CCNT1: variants seen among roughly 807,000 people sequenced by gnomAD.
CCNT1 encodes the protein cyclin-T1.
CCNT1 carries 18 observed loss-of-function variants against 67.3 expected under a neutral mutation model. The ratio of observed to expected loss-of-function variants is 0.27; its 90% confidence interval spans 0.18 to 0.40. The LOEUF (loss-of-function observed/expected upper bound fraction) is 0.40, where lower values mean the gene tolerates loss of function less well. Ranked by LOEUF, CCNT1 falls within the 10% of genes least tolerant of loss-of-function variation. CCNT1 has a pLI of 1.00. For synonymous variants in CCNT1, 333 were observed against 310.3 expected (o/e 1.07, Z -0.77); for missense variants, 744 against 884.9 (o/e 0.84, Z 2.02).
intron 2 of CCNT1, among the ~76,000 whole-genome samples, chr12:48,709,351 A>C (rs1940413226): frequency 6.6e-6 from 1 of 152,236 alleles, no homozygotes; most frequent in Admixed American, 6.5e-5. Context: ...GCTGGAAACA[A>C]TGTATAATCT....
rs1940034170 is a variant in CCNT1, at chr12:48,689,223, C to G, written c.*3810G>C. The G allele has an allele frequency of 6.6e-6, 1 of 152,146 alleles. No individual in the cohort carries two copies. Among genetic ancestry groups the G allele is most frequent in the Non-Finnish European group, 1.5e-5 (1 of 68,022 alleles). The allele number at this position is 152,146 out of a possible 1,614,324, so 9.4% of individuals were successfully genotyped here. ...TTTAGTAAACGTCCTTTTTCTTTACCTCCCTTTTCCAATGCCAAGTTCATA... is the reference window on the plus strand; with the variant it reads ...TTTAGTAAACGTCCTTTTTCTTTACGTCCCTTTTCCAATGCCAAGTTCATA... On this transcript the variant is annotated 3_prime_UTR_variant, in exon 9 of 9. Transcript: ENST00000261900.
At chr12:48,700,588 G>A (rs572979559) in intron 4 of CCNT1, among the ~76,000 whole-genome samples, 1 of 152,064 alleles carries the variant, frequency 6.6e-6, no homozygotes, top group South Asian at 2.1e-4. Context: ...AATATCATCA[G>A]AGTTGCCCAT....
At chr12:48,707,469 G>A (rs1162622881) in intron 2 of CCNT1, among the ~76,000 whole-genome samples, 1 of 151,780 alleles carries the variant, frequency 6.6e-6, no homozygotes, top group Non-Finnish European at 1.5e-5. Context: ...ATTTTTAATA[G>A]AGATGGGGTC....
intron 3 of CCNT1, among the ~76,000 whole-genome samples, chr12:48,703,191 G>C (rs1940299553): frequency 6.6e-6 from 1 of 151,604 alleles, no homozygotes; most frequent in Non-Finnish European, 1.5e-5. Context: ...AAGGCGGGCG[G>C]ATCACAAGGT....
At chr12:48,709,604 A>G (rs1036684141) in intron 2 of CCNT1, among the ~76,000 whole-genome samples, 6 of 152,238 alleles carry the variant, frequency 3.9e-5, no homozygotes, top group African/African-American at 1.4e-4. Context: ...AATTAAAATA[A>G]TAAGAAATCC....
At chr12:48,700,620 C>T (rs998171410) in intron 4 of CCNT1, among the ~76,000 whole-genome samples, 1 of 152,140 alleles carries the variant, frequency 6.6e-6, no homozygotes, top group Admixed American at 6.5e-5. Context: ...AGCTTAAGTT[C>T]CCCCACTTTC....
intron 3 of CCNT1, among the ~76,000 whole-genome samples, chr12:48,705,112 G>A (rs116625595): frequency 0.018 from 2,764 of 152,024 alleles, 91 homozygotes; most frequent in African/African-American, 0.063. Flanking sequence ...CAAAACTTTC[G>A]CCATAAAATT....
intron 5 of CCNT1, among the ~76,000 whole-genome samples, 171 bp from the exon 6 acceptor site, chr12:48,698,354 G>C (rs979068242): frequency 1.3e-5 from 2 of 152,110 alleles, no homozygotes; most frequent in African/African-American, 4.8e-5. Flanking sequence ...TGCCAAAGTA[G>C]ACAGATCAAT....
chr12:48,710,890 G>A (rs550987056), intron 2 of CCNT1, among the ~76,000 whole-genome samples: 3 of 152,124 alleles, frequency 2.0e-5, no homozygotes, highest in African/African-American at 2.4e-5. Flanking sequence ...GTGAAACCCC[G>A]TCTCTACTAA....
intron 2 of CCNT1, among the ~76,000 whole-genome samples, chr12:48,712,353 TCAC>T (rs978662503): frequency 1.3e-5 from 2 of 151,462 alleles, no homozygotes; most frequent in Admixed American, 6.6e-5. Flanking sequence ...CGATCTCGGC[TCAC>T]CACAACCTCG....
intron 3 of CCNT1, among the ~76,000 whole-genome samples, chr12:48,705,441 C>CT (rs966935650): frequency 5.5e-5 from 8 of 146,440 alleles, no homozygotes; most frequent in Middle Eastern, 3.4e-3. Flanking sequence ...TTTTTTTTTT[C>CT]TTTTTTTTAA....
At chr12:48,707,877 G>A (rs937089548) in intron 2 of CCNT1, among the ~76,000 whole-genome samples, 34 of 151,878 alleles carry the variant, frequency 2.2e-4, no homozygotes, top group Non-Finnish European at 4.9e-4. Context: ...GGCCAACATG[G>A]TGAAACCCCG....
intron 3 of CCNT1, among the ~76,000 whole-genome samples, chr12:48,703,207 G>C (rs1319644072): frequency 6.6e-6 from 1 of 152,002 alleles, no homozygotes; most frequent in Non-Finnish European, 1.5e-5. Flanking sequence ...AAGGTCAAGA[G>C]ATCGAGACCA....
chr12:48,693,059 G>A lies in CCNT1; in HGVS notation c.2155C>T (p.Pro719Ser). The part of the protein sequence containing the change: ...RPPPLPSEPP[P>S]PLPPLPK ...TACTTAGGAAGGGGTGGAAGTGGTGGAGGAGGTTCTGATGGCAGAGGTGGT... is the reference window on the plus strand; with the variant it reads ...TACTTAGGAAGGGGTGGAAGTGGTGAAGGAGGTTCTGATGGCAGAGGTGGT... Residue 719 changes from proline (P) to serine (S), a missense_variant, in exon 9 of 9, where the codon CCA becomes TCA. Physicochemically the swap from Pro to Ser is moderately conservative, Grantham distance 74. Around this residue, in one of 3 missense-constraint regions of CCNT1, gnomAD observed 564 missense variants for 574.2 expected, o/e 0.98. Transcript: ENST00000261900. 1 of 1,609,312 alleles carries A rather than the reference G, an allele frequency of 6.2e-7. No individual in the cohort carries two copies. Among genetic ancestry groups the A allele is most frequent in the Non-Finnish European group, 8.5e-7 (1 of 1,176,172 alleles).
chr12:48,714,308 A>G, intron 2 of CCNT1, 135 bp downstream of exon 2: 1 of 597,902 alleles, frequency 1.7e-6, no homozygotes, highest in Non-Finnish European at 3.0e-6. Context: ...ACAGCAACAC[A>G]GCACATAATG....
chr12:48,701,849 G>A (rs1448742827), intron 3 of CCNT1, among the ~76,000 whole-genome samples: 4 of 151,698 alleles, frequency 2.6e-5, no homozygotes, highest in South Asian at 2.1e-4. Flanking sequence ...CAGATGATCC[G>A]CCCACCTCGG....
chr12:48,716,550 G>A lies in CCNT1; in HGVS notation c.126C>T (p.Ala42=). Residue 42 remains alanine (A), a synonymous_variant, in exon 1 of 9, where the codon GCC becomes GCT. Transcript: ENST00000261900. ...DKELSYRQQA[A]NLLQDMGQRL... Reference sequence around the variant, plus strand: ...GCTGCCCCATGTCCTGAAGCAGATTGGCCGCCTGCTGGCGATAAGAAAGTT... The same window carrying A: ...GCTGCCCCATGTCCTGAAGCAGATTAGCCGCCTGCTGGCGATAAGAAAGTT... 1 of 1,614,118 alleles carries A rather than the reference G, an allele frequency of 6.2e-7. No homozygotes were observed.
intron 8 of CCNT1, among the ~76,000 whole-genome samples, chr12:48,694,927 G>A (rs1453251572): frequency 6.6e-6 from 1 of 152,166 alleles, no homozygotes; most frequent in East Asian, 1.9e-4. Context: ...GAGTTCAAGC[G>A]ATTCTCCTGT....
rs1257517961 is a variant in CCNT1, at chr12:48,705,814, T to C, written c.326A>G (p.His109Arg). ...KKLEHVIKVA[H>R]TCLHPQESLP... is the part of the protein sequence containing the mutation. ...GGATTCCTGAGGATGGAGACAAGTATGTGCTACCTTGATGACATGTTCCAA... is the reference window on the plus strand; with the variant it reads ...GGATTCCTGAGGATGGAGACAAGTACGTGCTACCTTGATGACATGTTCCAA... The change falls in exon 3 of 9, where the codon CAT (histidine) becomes CGT (arginine). Residue 109 changes from histidine to arginine, a missense_variant. By Grantham distance (29) the His-to-Arg change is conservative (BLOSUM62 0). Transcript: ENST00000261900. 2.5e-6 allele frequency: 4 copies of C among 1,613,440 alleles called. No individual in the cohort carries two copies. Among genetic ancestry groups the C allele is most frequent in the Non-Finnish European group, 3.4e-6 (4 of 1,179,498 alleles).
Sources: gnomAD v4.1 joint callset for allele counts (sites outside exome capture counted in the v4.1 genomes callset) on GRCh38, gnomAD v4.1.1 for gene constraint, gnomAD v4.1.1 regional missense constraint, MANE v1.5 for transcripts, NCBI Gene and HGNC (gene_info 2026-07-23, HGNC 2026-07-21) for gene names.